Variants in SORCS2 observed in about 807,000 individuals in gnomAD.
The protein encoded by SORCS2 is sortilin related VPS10 domain containing receptor 2.
In SORCS2, 100 loss-of-function variants were observed where a neutral mutation model predicts 141.6. The observed-to-expected ratio is 0.71, with a 90% CI of 0.60 to 0.83. The LOEUF (loss-of-function observed/expected upper bound fraction) is 0.83, where lower values mean the gene tolerates loss of function less well. Ranked by LOEUF, SORCS2 falls within the 40% of genes least tolerant of loss-of-function variation. The probability of loss-of-function intolerance (pLI) is 0.00; values close to 1 mark genes in which losing one functional copy is unlikely to be tolerated. For missense variants in SORCS2, 1,646 were observed against 1,560.2 expected (o/e 1.05, Z -0.93); for synonymous variants, 789 against 676.9 (o/e 1.17, Z -2.57).
chr4:7,227,182 G>A (rs1729040940), intron 1 of SORCS2, among the ~76,000 whole-genome samples: 1 of 152,232 alleles, frequency 6.6e-6, no homozygotes, highest in South Asian at 2.1e-4. Context: ...AGCAATGCTG[G>A]GTTGGAACCC....
At chr4:7,376,543 C>A (rs781463985) in intron 1 of SORCS2, among the ~76,000 whole-genome samples, 1 of 152,186 alleles carries the variant, frequency 6.6e-6, no homozygotes, top group Non-Finnish European at 1.5e-5. Flanking sequence ...CGCCACTTTA[C>A]TCCAGCCTGG....
At chr4:7,589,942 T>C (rs1305137118) in intron 3 of SORCS2, among the ~76,000 whole-genome samples, 2 of 152,142 alleles carry the variant, frequency 1.3e-5, no homozygotes, top group African/African-American at 4.8e-5. Flanking sequence ...ACCAAGAGCT[T>C]TCCATGTGAC....
At chr4:7,396,150 G>A in intron 1 of SORCS2, 138 bp from the exon 2 acceptor site, 2 of 695,748 alleles carry the variant, frequency 2.9e-6, no homozygotes, top group Non-Finnish European at 4.9e-6. Context: ...GCCTCTCAGG[G>A]ATACTGACTA....
At chr4:7,612,454 T>C (rs971059991) in intron 3 of SORCS2, among the ~76,000 whole-genome samples, 1 of 152,016 alleles carries the variant, frequency 6.6e-6, no homozygotes, top group African/African-American at 2.4e-5. Flanking sequence ...TTCATCTCCA[T>C]CTCCTTAAGG....
chr4:7,724,716 A>G (rs57201551), intron 19 of SORCS2, among the ~76,000 whole-genome samples: 1,535 of 21,436 alleles, frequency 0.072, 16 homozygotes, highest in Middle Eastern at 0.15. Context: ...TGGTGATAGT[A>G]TTGGTGGGAA....
At chr4:7,543,487 T>TCCATCCATC (rs1712871004) in intron 3 of SORCS2, among the ~76,000 whole-genome samples, 8 of 114,028 alleles carry the variant, frequency 7.0e-5, no homozygotes, top group African/African-American at 2.2e-4. Context: ...ATTCACCCAC[T>TCCATCCATC]CATCCATCCA....
chr4:7,678,001 C>T (rs1222956428), intron 9 of SORCS2, among the ~76,000 whole-genome samples: 2 of 152,150 alleles, frequency 1.3e-5, no homozygotes, highest in Non-Finnish European at 2.9e-5. Flanking sequence ...ACTCCACGGC[C>T]AACCTGTCCA....
At chr4:7,287,164 G>T (rs376781197) in intron 1 of SORCS2, among the ~76,000 whole-genome samples, 1 of 152,200 alleles carries the variant, frequency 6.6e-6, no homozygotes, top group Non-Finnish European at 1.5e-5. Context: ...AATGAGGGGT[G>T]CAAAGTGTCC....
At chr4:7,287,251 G>T (rs1460235628) in intron 1 of SORCS2, among the ~76,000 whole-genome samples, 1 of 152,238 alleles carries the variant, frequency 6.6e-6, no homozygotes, top group Non-Finnish European at 1.5e-5. Flanking sequence ...GGCTCTGGGT[G>T]CCACAGACCA....
Position 7,634,930 on chromosome 4 carries a change from G to A in SORCS2, c.649-3398G>A, listed in dbSNP as rs530209783. ...CCCACGTTGAGAGGCATCCTCCAGC[G>A]TGCCTGGCCAGCCCTCAGAGCTCAC... On this transcript the variant is annotated intron_variant, in intron 3 of 26. Coordinates refer to ENST00000507866, the MANE Select transcript of SORCS2 (RefSeq NM_020777.3). 2.3e-4 allele frequency among the ~76,000 whole-genome samples: 35 copies of A among 152,316 alleles called. No individual in the cohort carries two copies. In the South Asian group the frequency reaches 3.9e-3, roughly 17 times the overall value.
intron 16 of SORCS2, 27 bp from the exon 17 acceptor site, chr4:7,715,156 C>T (rs754788026): frequency 9.3e-6 from 15 of 1,610,514 alleles, no homozygotes; most frequent in Non-Finnish European, 1.1e-5. Context: ...GTGCCCGTCA[C>T]TTACCACTAC....
intron 1 of SORCS2, among the ~76,000 whole-genome samples, chr4:7,243,922 TG>T (rs74717358): frequency 0.05 from 7,574 of 152,262 alleles, 305 homozygotes; most frequent in East Asian, 0.21. Flanking sequence ...CCTGGCCCGA[TG>T]GTGGGATTCC....
chr4:7,566,398 C>T (rs907213138), intron 3 of SORCS2, among the ~76,000 whole-genome samples: 11 of 152,064 alleles, frequency 7.2e-5, no homozygotes, highest in South Asian at 2.1e-4. Flanking sequence ...ATGAAGATGA[C>T]GGATTGATGA....
intron 4 of SORCS2, among the ~76,000 whole-genome samples, chr4:7,640,028 C>T (rs186817015): frequency 1.5e-4 from 21 of 143,424 alleles, no homozygotes; most frequent in South Asian, 1.4e-3. Context: ...GGAGTGTGTA[C>T]GTGAGTGTGC....
rs1192306223 is a variant in SORCS2, at chr4:7,192,895, C to G, written c.249C>G (p.Asp83Glu). The change falls in exon 1 of 27, where the codon GAC (aspartate) becomes GAG (glutamate). Residue 83 changes from aspartate to glutamate, a missense_variant. Asp to Glu is a conservative substitution (Grantham distance 45). Transcript: ENST00000507866. The surrounding 1 kb of genome is among the most constrained non-coding windows in gnomAD (Gnocchi z 4.0). ...GCGCGGAGCCCGGTGGCGGCGAGGA[C>G]CGGCAGGCGCGCGGCACGGAGCCAG... is the stretch of plus-strand genomic sequence containing the variant. ...AGRAEPGGGE[D>E]RQARGTEPGA... 8.7e-7 allele frequency: 1 copy of G among 1,146,626 alleles called. No homozygotes were observed. Among genetic ancestry groups the G allele is most frequent in the Non-Finnish European group, 1.1e-6 (1 of 934,870 alleles). 71.0% of individuals were successfully genotyped at this position (1,146,626 alleles called of 1,614,324 possible).
chr4:7,610,132 T>C (rs1461722027), intron 3 of SORCS2, among the ~76,000 whole-genome samples: 1 of 152,110 alleles, frequency 6.6e-6, no homozygotes, highest in African/African-American at 2.4e-5. Context: ...GCCAGGGAAT[T>C]GGGGGGAAAT....
chr4:7,593,199 G>A (rs981493683), intron 3 of SORCS2, among the ~76,000 whole-genome samples: 1 of 152,160 alleles, frequency 6.6e-6, no homozygotes, highest in Admixed American at 6.6e-5. Flanking sequence ...ACAGGGTCAG[G>A]TAGAAGTGCA....
intron 18 of SORCS2, among the ~76,000 whole-genome samples, chr4:7,722,611 T>C (rs1410461896): frequency 6.6e-6 from 1 of 152,018 alleles, no homozygotes; most frequent in East Asian, 1.9e-4. Flanking sequence ...CCCTCTCCTT[T>C]CTCTTACACA....
chr4:7,210,972 C>T (rs1180762035), intron 1 of SORCS2, among the ~76,000 whole-genome samples: 1 of 152,198 alleles, frequency 6.6e-6, no homozygotes, highest in Non-Finnish European at 1.5e-5. Flanking sequence ...GAACGGTGAC[C>T]TGGCCTGGGT....
Sources: gnomAD v4.1 joint callset for allele counts (sites outside exome capture counted in the v4.1 genomes callset) on GRCh38, gnomAD v4.1.1 for gene constraint, Gnocchi (gnomAD v3.1) non-coding constraint, MANE v1.5 for transcripts, NCBI Gene and HGNC (gene_info 2026-07-23, HGNC 2026-07-21) for gene names.